The following PVT1 variants were observed in gnomAD, a reference collection of about 807,000 sequenced individuals.
PVT1 encodes CXCR4/PVT1 fusion.
chr8:128,048,194 C>G (rs1269752047), intron 4 of PVT1, among the ~76,000 whole-genome samples: 1 of 152,206 alleles, frequency 6.6e-6, no homozygotes, highest in Non-Finnish European at 1.5e-5. Flanking sequence ...CCTAGCCTGC[C>G]CATTTGCATT....
chr8:128,097,772 A>C (rs1814447349), intron 6 of PVT1, among the ~76,000 whole-genome samples: 1 of 152,224 alleles, frequency 6.6e-6, no homozygotes, highest in Admixed American at 6.5e-5. Context: ...GTCCAGCTTC[A>C]GAGTCCATAC....
intron 2 of PVT1, among the ~76,000 whole-genome samples, chr8:127,859,906 C>T (rs1319016282): frequency 1.3e-5 from 2 of 151,930 alleles, no homozygotes; most frequent in Admixed American, 1.3e-4. Flanking sequence ...CTGAGTCATA[C>T]AGATCCTGAG....
intron 4 of PVT1, among the ~76,000 whole-genome samples, chr8:128,069,181 G>A (rs1303437206): frequency 6.6e-6 from 1 of 152,208 alleles, no homozygotes; most frequent in East Asian, 1.9e-4. Flanking sequence ...CACAAAACCT[G>A]TATAGAGAGA....
intron 4 of PVT1, among the ~76,000 whole-genome samples, chr8:128,006,302 C>G (rs1290196782): frequency 6.6e-6 from 1 of 151,964 alleles, no homozygotes; most frequent in Non-Finnish European, 1.5e-5. Context: ...TGTATCAGAA[C>G]CTTGAAGACA....
chr8:127,870,943 G>A (rs933942063), intron 2 of PVT1, among the ~76,000 whole-genome samples: 3 of 152,188 alleles, frequency 2.0e-5, no homozygotes, highest in African/African-American at 7.2e-5. Flanking sequence ...GACGGCCACA[G>A]TCACGTCTCC....
At chr8:127,912,967 G>A (rs953574198) in intron 3 of PVT1, among the ~76,000 whole-genome samples, 4 of 152,206 alleles carry the variant, frequency 2.6e-5, no homozygotes, top group African/African-American at 9.6e-5. Flanking sequence ...CAAAGTGTTG[G>A]GATTACAGGC....
intron 2 of PVT1, among the ~76,000 whole-genome samples, chr8:127,822,843 T>A (rs544556160): frequency 6.6e-6 from 1 of 152,218 alleles, no homozygotes; most frequent in South Asian, 2.1e-4. Flanking sequence ...ATGTGGCAAG[T>A]GGGAAATGAA....
At chr8:127,892,974 T>A (rs2129808324) in intron 3 of PVT1, among the ~76,000 whole-genome samples, 1 of 152,264 alleles carries the variant, frequency 6.6e-6, no homozygotes, top group East Asian at 1.9e-4. Context: ...CATAGCTCTG[T>A]TTTTTCCCCT....
intron 4 of PVT1, among the ~76,000 whole-genome samples, chr8:128,023,609 T>C (rs1175806780): frequency 6.6e-6 from 1 of 152,244 alleles, no homozygotes; most frequent in African/African-American, 2.4e-5. Context: ...TGAATGGTCT[T>C]ATAAGGATAA....
At chr8:127,813,248 A>AATATATATAATATATACAAATAT (rs1814621656) in intron 2 of PVT1, among the ~76,000 whole-genome samples, 1 of 141,270 alleles carries the variant, frequency 7.1e-6, no homozygotes, top group South Asian at 2.2e-4. Context: ...ATAATATACA[A>AATATATATAATATATACAAATAT]ATATATATAA....
intron 3 of PVT1, among the ~76,000 whole-genome samples, chr8:127,893,802 G>A (rs1156908087): frequency 6.6e-6 from 1 of 152,164 alleles, no homozygotes; most frequent in African/African-American, 2.4e-5. Context: ...ACTTGAGAGT[G>A]AAAGGGGCAC....
intron 3 of PVT1, among the ~76,000 whole-genome samples, chr8:127,961,845 G>T (rs536729575): frequency 2.0e-5 from 3 of 152,208 alleles, no homozygotes; most frequent in African/African-American, 7.2e-5. Context: ...CCCCCTGCCC[G>T]AGTCTGACTC....
At chr8:127,962,260 C>T (rs996811840) in intron 3 of PVT1, among the ~76,000 whole-genome samples, 2 of 152,250 alleles carry the variant, frequency 1.3e-5, no homozygotes, top group Non-Finnish European at 2.9e-5. Flanking sequence ...CCACCGCTCC[C>T]GGCCATGAAT....
intron 5 of PVT1, among the ~76,000 whole-genome samples, chr8:128,073,328 T>G (rs1814022815): frequency 6.6e-6 from 1 of 152,174 alleles, no homozygotes; most frequent in African/African-American, 2.4e-5. Flanking sequence ...TATTGTTTTT[T>G]AATTTAACTG....
chr8:127,983,474 G>T (rs1476661313), intron 3 of PVT1, among the ~76,000 whole-genome samples: 1 of 151,996 alleles, frequency 6.6e-6, no homozygotes, highest in African/African-American at 2.4e-5. Flanking sequence ...GTAGCTTGTG[G>T]TCCTTATTTA....
chr8:127,955,964 T>C (rs1364889410), intron 3 of PVT1, among the ~76,000 whole-genome samples: 1 of 152,242 alleles, frequency 6.6e-6, no homozygotes, highest in Non-Finnish European at 1.5e-5. Flanking sequence ...AATTAGTTTC[T>C]GCAAGGGCTA....
chr8:127,811,663 A>G (rs1040939515), intron 2 of PVT1, among the ~76,000 whole-genome samples: 9 of 152,206 alleles, frequency 5.9e-5, no homozygotes, highest in African/African-American at 2.2e-4. Context: ...ATCATTCCTT[A>G]GATTCTAGAC....
At chr8:127,904,234 A>C (rs1344803463) in intron 3 of PVT1, among the ~76,000 whole-genome samples, 1 of 152,190 alleles carries the variant, frequency 6.6e-6, no homozygotes, top group Non-Finnish European at 1.5e-5. Flanking sequence ...TTTGGTATGC[A>C]GTAGGGGCAT....
chr8:127,905,071 A>G (rs1815803686), intron 3 of PVT1, among the ~76,000 whole-genome samples: 1 of 152,184 alleles, frequency 6.6e-6, no homozygotes, highest in Non-Finnish European at 1.5e-5. Context: ...GTGGTGCTCA[A>G]AGGTACCTGG....
Sources: allele counts gnomAD v4.1 joint callset (sites outside exome capture counted in the v4.1 genomes callset), GRCh38; gene constraint gnomAD v4.1.1; transcripts MANE v1.5; gene names NCBI Gene and HGNC (gene_info 2026-07-23, HGNC 2026-07-21).